DCAF5: variants seen among roughly 807,000 people sequenced by gnomAD.
DCAF5 encodes DDB1- and CUL4-associated factor 5.
Under a neutral mutation model 80.7 loss-of-function variants are expected in DCAF5, and 9 were observed. The observed-to-expected ratio is 0.11, with a 90% CI of 0.07 to 0.19. The LOEUF is 0.19. Among genes scored for constraint, DCAF5 ranks in the 10% least tolerant of loss-of-function variants. The pLI is 1.00. For synonymous variants in DCAF5, 433 were observed against 461.9 expected (o/e 0.94, Z 0.80); for missense variants, 842 against 1,205.7 (o/e 0.70, Z 4.47).
At chr14:69,102,573 T>A (rs1268696198) in intron 5 of DCAF5, among the ~76,000 whole-genome samples, 1 of 94,030 alleles carries the variant, frequency 1.1e-5, no homozygotes, top group African/African-American at 3.1e-5. Context: ...TTAAACTTTT[T>A]ATTTTGTTAA....
chr14:69,143,736 TGAAA>T (rs2041448921), intron 1 of DCAF5: 1 of 152,308 alleles, frequency 6.6e-6, no homozygotes, highest in Admixed American at 6.6e-5. Flanking sequence ...GTACTAAAAC[TGAAA>T]AGAACAAAAA....
chr14:69,107,031 G>A (rs1035264879), intron 5 of DCAF5, among the ~76,000 whole-genome samples: 6 of 149,178 alleles, frequency 4.0e-5, no homozygotes, highest in African/African-American at 1.2e-4. Context: ...AACAGAGCAA[G>A]ACTTTGTCTC....
rs535789408 is a variant in DCAF5, at chr14:69,079,414, C to T, written c.880-4003G>A. Among the ~76,000 whole-genome samples the T allele has an allele frequency of 7.2e-5, 11 of 152,252 alleles. 2 individuals are homozygous for T. The highest frequency in any genetic ancestry group is 2.6e-4 in the African/African-American group (11 of 41,562). On this transcript the variant is annotated intron_variant, in intron 6 of 8. Transcript: ENST00000341516. ...CTCCTGATCTCTCTTCCTCTTGGAA[C>T]TCTTCTTCCACCCACCATAAGAGAA...
At chr14:69,141,881 C>T (rs186379224) in intron 1 of DCAF5, among the ~76,000 whole-genome samples, 10 of 152,300 alleles carry the variant, frequency 6.6e-5, no homozygotes, top group Admixed American at 2.0e-4. Context: ...TACATAATCC[C>T]AGCCCTTTGG....
At chr14:69,141,475 G>T (rs545018365) in intron 1 of DCAF5, among the ~76,000 whole-genome samples, 1 of 152,030 alleles carries the variant, frequency 6.6e-6, no homozygotes, top group Non-Finnish European at 1.5e-5. Context: ...TTTACATTAG[G>T]TATATCTCCT....
At chr14:69,078,522 A>G (rs1249692926) in intron 6 of DCAF5, among the ~76,000 whole-genome samples, 2 of 152,234 alleles carry the variant, frequency 1.3e-5, no homozygotes. Flanking sequence ...CACTGTTTAT[A>G]ATGGCCAAGA....
At chr14:69,070,998 A>G (rs1437461880) in intron 7 of DCAF5, among the ~76,000 whole-genome samples, 2 of 152,102 alleles carry the variant, frequency 1.3e-5, no homozygotes, top group African/African-American at 2.4e-5. Flanking sequence ...GTGTTTCACT[A>G]TGTTAGCCAG....
intron 1 of DCAF5, among the ~76,000 whole-genome samples, chr14:69,132,716 GCAGCATAGCA>G (rs2041077612): frequency 6.6e-6 from 1 of 150,584 alleles, no homozygotes; most frequent in Non-Finnish European, 1.5e-5. Context: ...ATAATGTGGG[GCAGCATAGCA>G]CAGCACAGCA....
At chr14:69,076,062 G>A (rs2038886667) in intron 6 of DCAF5, among the ~76,000 whole-genome samples, 1 of 151,688 alleles carries the variant, frequency 6.6e-6, no homozygotes, top group South Asian at 2.1e-4. Context: ...TTAGAAAAAT[G>A]CAAATCAAAA....
chr14:69,083,827 A>G (rs2039210089), intron 6 of DCAF5: 2 of 727,520 alleles, frequency 2.7e-6, no homozygotes. Context: ...AGAAACAGAA[A>G]ATAATGTTGA....
intron 1 of DCAF5, among the ~76,000 whole-genome samples, chr14:69,129,156 A>C (rs967020231): frequency 6.6e-6 from 1 of 152,154 alleles, no homozygotes; most frequent in African/African-American, 2.4e-5. Flanking sequence ...GATCGTTTTA[A>C]ATGATGTGTC....
In DCAF5 at chr14:69,067,027, G is replaced by C. The variant is rs184449280; in HGVS notation, c.947-4516C>G. On this transcript the variant is annotated intron_variant, in intron 7 of 8. Transcript: ENST00000341516. The stretch of plus-strand genomic sequence containing the variant: ...TCAATACCACTTCCCGTCTTCCTCT[G>C]TTCTACTTTTTCTATAGCACTTCTA... Among the ~76,000 whole-genome samples, 28 of 152,260 alleles carry C rather than the reference G, an allele frequency of 1.8e-4. No individual in the cohort carries two copies. In the East Asian group the frequency reaches 5.2e-3, roughly 28 times the overall value.
rs545748318 is a variant in DCAF5 at position 69,094,380 on chromosome 14, G to T, written c.666-2493C>A. 3.3e-5 allele frequency among the ~76,000 whole-genome samples: 5 copies of T among 152,280 alleles called. No homozygotes were observed. The South Asian group carries it at 1.0e-3, about 32-fold the overall frequency. ...AGTCTGATCACACTATAGGAATTTG[G>T]TTGTGGGCTCCAGGATAGTAACTAA... On this transcript the variant is annotated intron_variant, in intron 5 of 8. Transcript: ENST00000341516.
intron 7 of DCAF5, among the ~76,000 whole-genome samples, chr14:69,072,153 CT>C (rs2038717851): frequency 6.6e-6 from 1 of 152,120 alleles, no homozygotes; most frequent in Admixed American, 6.5e-5. Context: ...CAAATACTCT[CT>C]AGGTAGGAGA....
chr14:69,076,141 T>C (rs1321821570), intron 6 of DCAF5, among the ~76,000 whole-genome samples: 2 of 151,448 alleles, frequency 1.3e-5, no homozygotes, highest in Non-Finnish European at 2.9e-5. Flanking sequence ...TTGACAAGTA[T>C]TGGCAAGGAT....
chr14:69,107,176 C>T (rs976015898), intron 5 of DCAF5, among the ~76,000 whole-genome samples: 6 of 152,164 alleles, frequency 3.9e-5, no homozygotes, highest in Non-Finnish European at 8.8e-5. Flanking sequence ...TTGCAGAGCT[C>T]CCCTCCATTT....
At chr14:69,096,852 C>T (rs1330162227) in intron 5 of DCAF5, among the ~76,000 whole-genome samples, 1 of 152,136 alleles carries the variant, frequency 6.6e-6, no homozygotes, top group Non-Finnish European at 1.5e-5. Flanking sequence ...TTAATCTTCA[C>T]CTTACATAGT....
rs565833924 is a variant in DCAF5, at chr14:69,051,585, T to G, written c.*2272A>C. 2.0e-5 allele frequency: 3 copies of G among 152,344 alleles called. No individual in the cohort carries two copies. The highest frequency in any genetic ancestry group is 7.2e-5 in the African/African-American group (3 of 41,582). 9.4% of individuals were successfully genotyped at this position (152,344 alleles called of 1,614,324 possible). On this transcript the variant is annotated 3_prime_UTR_variant, in exon 9 of 9. Transcript: ENST00000341516. ...TCTTGGCTTCTCAAGTTAACCAGAA[T>G]AAACTCTGATTTCTCTTTTGAGTAC...
intron 2 of DCAF5, among the ~76,000 whole-genome samples, chr14:69,121,628 T>G (rs2040720483): frequency 6.6e-6 from 1 of 152,188 alleles, no homozygotes; most frequent in Admixed American, 6.5e-5. Context: ...GTATTTAAGT[T>G]GCTTTTGGAA....
Sources: allele counts gnomAD v4.1 joint callset (sites outside exome capture counted in the v4.1 genomes callset), GRCh38; gene constraint gnomAD v4.1.1; transcripts MANE v1.5; gene names NCBI Gene and HGNC (gene_info 2026-07-23, HGNC 2026-07-21).